SUDS3: variants seen among roughly 807,000 people sequenced by gnomAD.
SUDS3 encodes sin3 histone deacetylase corepressor complex component SDS3.
In SUDS3, 23 loss-of-function variants were observed where a neutral mutation model predicts 53.5. The ratio of observed to expected loss-of-function variants is 0.43; its 90% CI spans 0.31 to 0.61. SUDS3 has a LOEUF of 0.61. SUDS3 is among the 20% of genes least tolerant of loss of function. SUDS3 has a pLI of 0.10. For synonymous variants in SUDS3, 150 were observed against 148.5 expected (o/e 1.01, Z -0.08); for missense variants, 291 against 405.9 (o/e 0.72, Z 2.43).
At position 118,416,985 on chromosome 12, in the gene SUDS3, C is replaced by T. The variant is rs937000770; in HGVS notation, c.*2552C>T. The T allele has an allele frequency of 6.6e-6, 1 of 152,198 alleles. No individual in the cohort carries two copies. The highest frequency in any genetic ancestry group is 1.5e-5 in the Non-Finnish European group (1 of 68,054). 9.4% of individuals were successfully genotyped at this position (152,198 alleles called of 1,614,324 possible). On this transcript the variant is annotated 3_prime_UTR_variant, in exon 12 of 12. Transcript: ENST00000543473. The stretch of plus-strand genomic sequence containing the variant: ...ATATGTGTTGTGTTAGAGGCATCTG[C>T]CTCAAGTCTATGTACAGTGTTTGCT...
At chr12:118,397,453 A>C (rs918804798) in intron 6 of SUDS3, among the ~76,000 whole-genome samples, 5 of 152,194 alleles carry the variant, frequency 3.3e-5, no homozygotes, top group African/African-American at 1.2e-4. Flanking sequence ...CGTAAAAGCC[A>C]ACTAGACCAA....
intron 4 of SUDS3, among the ~76,000 whole-genome samples, chr12:118,389,401 GGTGGACTGA>G (rs2046144858): frequency 6.6e-6 from 1 of 152,166 alleles, no homozygotes; most frequent in South Asian, 2.1e-4. Flanking sequence ...ACTGTTGGCG[GGTGGACTGA>G]GTGAAAGATG....
chr12:118,389,199 C>T (rs1057267416), intron 4 of SUDS3, among the ~76,000 whole-genome samples: 5 of 152,072 alleles, frequency 3.3e-5, no homozygotes, highest in African/African-American at 7.2e-5. Context: ...CTTCAGGCTG[C>T]GGACCACTGG....
intron 6 of SUDS3, 55 bp from the exon 7 acceptor site, chr12:118,400,604 C>CT: frequency 6.5e-7 from 1 of 1,540,338 alleles, no homozygotes; most frequent in East Asian, 2.2e-5. Flanking sequence ...TATAGAAATT[C>CT]TTACTGACTT....
At chr12:118,409,388 G>A (rs1593783793) in intron 10 of SUDS3, among the ~76,000 whole-genome samples, 6 of 151,976 alleles carry the variant, frequency 3.9e-5, no homozygotes. Context: ...CTTGTGATCT[G>A]CCCACCTTGG....
At chr12:118,386,327 C>T (rs1593757093) in intron 4 of SUDS3, 142 bp downstream of exon 4, 6 of 705,230 alleles carry the variant, frequency 8.5e-6, no homozygotes, top group Non-Finnish European at 1.4e-5. Flanking sequence ...AAGAGACTTC[C>T]AAGCTGCAGT....
Position 118,386,791 on chromosome 12 carries a change from A to G in SUDS3, c.340+606A>G, listed in dbSNP as rs77964558. 6.6e-3 allele frequency among the ~76,000 whole-genome samples: 1,008 copies of G among 152,320 alleles called. 12 individuals carry two copies. The highest frequency in any genetic ancestry group is 0.023 in the African/African-American group (941 of 41,578). On this transcript the variant is annotated intron_variant, in intron 4 of 11. Transcript: ENST00000543473. ...GTGTTTCATTGACAAAAGATACCAC[A>G]TGTATAACGTGTAAAGTTAAGGAAC... is the stretch of plus-strand genomic sequence containing the variant.
At chr12:118,388,316 T>G (rs895198751) in intron 4 of SUDS3, among the ~76,000 whole-genome samples, 2 of 152,210 alleles carry the variant, frequency 1.3e-5, no homozygotes, top group African/African-American at 2.4e-5. Flanking sequence ...CTGTGGAGTT[T>G]GTATATGTGC....
At chr12:118,399,502 G>A (rs978278311) in intron 6 of SUDS3, among the ~76,000 whole-genome samples, 2 of 151,964 alleles carry the variant, frequency 1.3e-5, no homozygotes, top group Non-Finnish European at 2.9e-5. Context: ...GCCCTGTCTT[G>A]AAAAAATAAG....
chr12:118,395,216 GTT>G lies in SUDS3; in HGVS notation c.517+3960_517+3961del, dbSNP rs71772462. On this transcript the variant is annotated intron_variant, in intron 6 of 11. Coordinates refer to ENST00000543473, the MANE Select transcript of SUDS3 (RefSeq NM_022491.3). ...CTGGTGCTGGCATTGTGGAATCAGG[GTT>G]TTTTTTTTTTTTTTTTTTTTTTTTT... 4.3e-3 allele frequency among the ~76,000 whole-genome samples: 341 copies of G among 80,116 alleles called. 7 individuals are homozygous for G. Among genetic ancestry groups the G allele is most frequent in the East Asian group, 0.011 (26 of 2,318 alleles). 52.6% of individuals were successfully genotyped at this position (80,116 alleles called of 152,430 possible).
intron 6 of SUDS3, 63 bp from the exon 7 acceptor site, chr12:118,400,596 T>C (rs1473467297): frequency 2.7e-6 from 4 of 1,495,194 alleles, no homozygotes; most frequent in Non-Finnish European, 3.7e-6. Context: ...TCTTATACTA[T>C]AGAAATTCTT....
chr12:118,406,268 C>T (rs376121875), intron 10 of SUDS3, among the ~76,000 whole-genome samples: 3 of 152,276 alleles, frequency 2.0e-5, no homozygotes, highest in Admixed American at 1.3e-4. Context: ...CCCACTTGCT[C>T]AAGAGCATTT....
At chr12:118,382,825 G>A (rs763804444) in intron 2 of SUDS3, among the ~76,000 whole-genome samples, 2 of 108,128 alleles carry the variant, frequency 1.8e-5, no homozygotes, top group Non-Finnish European at 3.7e-5. Flanking sequence ...CCACCACCAC[G>A]TCTGGCTAAT....
chr12:118,407,819 A>G (rs972715911), intron 10 of SUDS3, among the ~76,000 whole-genome samples: 3 of 151,666 alleles, frequency 2.0e-5, no homozygotes, highest in African/African-American at 7.3e-5. Context: ...CCCAGGTTCA[A>G]GCGATTCTCC....
At chr12:118,390,734 ATGT>A (rs374901983) in intron 5 of SUDS3, among the ~76,000 whole-genome samples, 7 of 152,194 alleles carry the variant, frequency 4.6e-5, no homozygotes, top group African/African-American at 9.6e-5. Flanking sequence ...CACTTACTAA[ATGT>A]TGTTCCATTC....
chr12:118,409,681 C>T (rs886843848), intron 10 of SUDS3, among the ~76,000 whole-genome samples: 1 of 152,328 alleles, frequency 6.6e-6, no homozygotes, highest in Non-Finnish European at 1.5e-5. Flanking sequence ...TAAATTTACA[C>T]GAGTTTATGG....
chr12:118,409,333 G>C (rs1486272366), intron 10 of SUDS3, among the ~76,000 whole-genome samples: 1 of 152,000 alleles, frequency 6.6e-6, no homozygotes, highest in South Asian at 2.1e-4. Context: ...TTTTAGTAGA[G>C]ATGGGGTTTC....
At chr12:118,391,344 TC>T in intron 6 of SUDS3, 62 bp downstream of exon 6, 1 of 1,525,042 alleles carries the variant, frequency 6.6e-7, no homozygotes, top group East Asian at 2.3e-5. Context: ...GAAGGGCTGT[TC>T]CAGTTACTTT....
chr12:118,398,566 A>G (rs1184320624), intron 6 of SUDS3, among the ~76,000 whole-genome samples: 1 of 151,978 alleles, frequency 6.6e-6, no homozygotes, highest in Non-Finnish European at 1.5e-5. Context: ...TTCATAGGAA[A>G]AAAATATTTA....
Sources: allele counts gnomAD v4.1 joint callset (sites outside exome capture counted in the v4.1 genomes callset), GRCh38; gene constraint gnomAD v4.1.1; transcripts MANE v1.5; gene names NCBI Gene and HGNC (gene_info 2026-07-23, HGNC 2026-07-21).